RAB14: variants seen among roughly 807,000 people sequenced by gnomAD.
The protein encoded by RAB14 is ras-related protein Rab-14.
A neutral mutation model predicts 31.1 loss-of-function variants in RAB14; 3 were observed. That is an observed-to-expected ratio of 0.10 (90% CI 0.04 to 0.25). The LOEUF (loss-of-function observed/expected upper bound fraction) is 0.25. RAB14 is among the 10% of genes least tolerant of loss of function. RAB14 has a pLI of 1.00. For missense variants in RAB14, 111 were observed against 260.1 expected (o/e 0.43, Z 3.94); for synonymous variants, 85 against 84.9 (o/e 1.00, Z 0.00).
chr9:121,197,144 G>T (rs1336850957), intron 1 of RAB14, among the ~76,000 whole-genome samples: 1 of 152,138 alleles, frequency 6.6e-6, no homozygotes, highest in Non-Finnish European at 1.5e-5. Context: ...AAGGATATTA[G>T]TGCATGTAAA....
intron 1 of RAB14, among the ~76,000 whole-genome samples, chr9:121,198,662 T>C (rs182784099): frequency 2.1e-3 from 326 of 152,330 alleles, no homozygotes; most frequent in Non-Finnish European, 3.6e-3. Flanking sequence ...CTTCTGTAGT[T>C]CCAACATAAA....
Position 121,190,736 on chromosome 9 carries a change from TAAG to T in RAB14, c.107-8_107-6del, listed in dbSNP as rs1564320557. The T allele has an allele frequency of 1.6e-5, 26 of 1,610,620 alleles. No individual in the cohort carries two copies. The highest frequency in any genetic ancestry group is 2.2e-5 in the Non-Finnish European group (26 of 1,178,252). ...TGTGAGGACAATCAGCCATAACTGT[TAAG>T]GAGGAAAAAAAGTAATAGCCCAATT... On this transcript the variant is annotated splice_polypyrimidine_tract_variant and splice_region_variant and intron_variant, in intron 3 of 7. Transcript: ENST00000373840.
intron 1 of RAB14, among the ~76,000 whole-genome samples, chr9:121,197,645 A>T (rs2053725642): frequency 6.6e-6 from 1 of 152,256 alleles, no homozygotes; most frequent in African/African-American, 2.4e-5. Context: ...ATGTAGGTAC[A>T]GATGTGAAGG....
At chr9:121,197,430 G>A (rs533736573) in intron 1 of RAB14, among the ~76,000 whole-genome samples, 291 of 152,126 alleles carry the variant, frequency 1.9e-3, no homozygotes, top group Non-Finnish European at 3.7e-3. Flanking sequence ...AATGGGGTAC[G>A]CCATCTTGTA....
At chr9:121,200,502 T>C (rs2053756817) in intron 1 of RAB14, among the ~76,000 whole-genome samples, 1 of 152,212 alleles carries the variant, frequency 6.6e-6, no homozygotes, top group African/African-American at 2.4e-5. Context: ...CTTCTTCATA[T>C]ATGAAACTGA....
At chr9:121,196,018 T>G (rs926659518) in intron 1 of RAB14, among the ~76,000 whole-genome samples, 3 of 152,114 alleles carry the variant, frequency 2.0e-5, no homozygotes, top group African/African-American at 7.2e-5. Flanking sequence ...AGGTGAGGAA[T>G]ATATTTTTAC....
At chr9:121,191,718 G>A (rs1319810091) in intron 3 of RAB14, among the ~76,000 whole-genome samples, 1 of 152,076 alleles carries the variant, frequency 6.6e-6, no homozygotes, top group Non-Finnish European at 1.5e-5. Flanking sequence ...CAACTATACA[G>A]AAACACTTTC....
intron 1 of RAB14, among the ~76,000 whole-genome samples, chr9:121,193,656 A>G (rs975042504): frequency 6.6e-6 from 1 of 152,176 alleles, no homozygotes; most frequent in Non-Finnish European, 1.5e-5. Flanking sequence ...CATTTATACC[A>G]CAACTCCAAT....
intron 4 of RAB14, among the ~76,000 whole-genome samples, chr9:121,188,659 T>A (rs1301335655): frequency 1.3e-5 from 2 of 151,326 alleles, no homozygotes; most frequent in Non-Finnish European, 2.9e-5. Flanking sequence ...ATGACAAAAA[T>A]AAAAAGGGAC....
chr9:121,194,090 T>TCACACACACACACACACACA (rs56275636), intron 1 of RAB14, among the ~76,000 whole-genome samples: 27 of 141,396 alleles, frequency 1.9e-4, no homozygotes, highest in African/African-American at 2.6e-4. Flanking sequence ...TTGCAGATTA[T>TCACACACACACACACACACA]CACTCACACA....
In RAB14 at chr9:121,180,333, T is replaced by C. The variant is rs1025519860; in HGVS notation, c.*1063A>G. 6.5e-6 allele frequency: 1 copy of C among 152,784 alleles called. No homozygotes were observed. Among genetic ancestry groups the C allele is most frequent in the South Asian group, 2.1e-4 (1 of 4,830 alleles). 9.5% of individuals were successfully genotyped at this position (152,784 alleles called of 1,614,324 possible). ...ATAGTAAACCCAGCCTTTTTTCTTT[T>C]TCTATACAGTAAGGCAAGAATGCAG... On this transcript the variant is annotated 3_prime_UTR_variant, in exon 8 of 8. Coordinates refer to ENST00000373840, the MANE Select transcript of RAB14 (RefSeq NM_016322.4).
chr9:121,184,965 T>C (rs923437526), intron 5 of RAB14, among the ~76,000 whole-genome samples: 3 of 152,134 alleles, frequency 2.0e-5, no homozygotes, highest in Non-Finnish European at 4.4e-5. Flanking sequence ...CTTATCTCCC[T>C]GAAAGGGAAG....
chr9:121,183,062 C>T, intron 6 of RAB14, 102 bp from the exon 7 acceptor site: 1 of 1,086,334 alleles, frequency 9.2e-7, no homozygotes, highest in South Asian at 1.4e-5. Flanking sequence ...TTTTAGTACT[C>T]CTCCCATAGT....
rs1445009242 is a variant in RAB14, at chr9:121,186,992, G to A, written c.312C>T (p.Ser104=). 6.4e-7 allele frequency: 1 copy of A among 1,567,986 alleles called. No homozygotes were observed. Among genetic ancestry groups the A allele is most frequent in the Admixed American group, 1.8e-5 (1 of 54,594 alleles). ...TGAGATTCCTTGCATCTGTCAACCA[G>A]CTGCTTAAGTGGTTATATGTACTTC... ...TRRSTYNHLS[S]WLTDARNLTN... is the part of the protein sequence containing the mutation. The change falls in exon 5 of 8, where the codon AGC becomes AGT. Residue 104 remains serine, a synonymous_variant. Transcript: ENST00000373840.
chr9:121,198,332 C>T (rs1410991666), intron 1 of RAB14, among the ~76,000 whole-genome samples: 1 of 152,108 alleles, frequency 6.6e-6, no homozygotes, highest in African/African-American at 2.4e-5. Context: ...TCTTATGAAG[C>T]CAATAATACG....
chr9:121,201,289 A>AG (rs981324213), intron 1 of RAB14, among the ~76,000 whole-genome samples: 5 of 151,958 alleles, frequency 3.3e-5, no homozygotes, highest in South Asian at 2.1e-4. Context: ...CAGCGGCGAG[A>AG]GGGGGGCCCG....
At chr9:121,199,273 C>T (rs1234345679) in intron 1 of RAB14, among the ~76,000 whole-genome samples, 1 of 152,206 alleles carries the variant, frequency 6.6e-6, no homozygotes, top group Non-Finnish European at 1.5e-5. Flanking sequence ...TCACTGTTGA[C>T]ACTGGCTGAT....
intron 6 of RAB14, among the ~76,000 whole-genome samples, 174 bp downstream of exon 6, chr9:121,183,137 T>G (rs1363581627): frequency 1.3e-5 from 2 of 152,100 alleles, no homozygotes; most frequent in East Asian, 3.8e-4. Flanking sequence ...TAAATAACTG[T>G]ACTGCTCCAA....
intron 1 of RAB14, among the ~76,000 whole-genome samples, chr9:121,200,257 G>C (rs2053752621): frequency 6.6e-6 from 1 of 152,198 alleles, no homozygotes; most frequent in South Asian, 2.1e-4. Context: ...AAAGGCTTGG[G>C]GGAATAAAGG....
Sources: gnomAD v4.1 joint callset for allele counts (sites outside exome capture counted in the v4.1 genomes callset) on GRCh38, gnomAD v4.1.1 for gene constraint, MANE v1.5 for transcripts, NCBI Gene and HGNC (gene_info 2026-07-23, HGNC 2026-07-21) for gene names.